The following NETO1 variants were observed in gnomAD, a reference collection of about 807,000 sequenced individuals.
The protein encoded by NETO1 is neuropilin and tolloid-like protein 1.
NETO1 carries 26 observed loss-of-function variants against 61.3 expected under a neutral mutation model. The ratio of observed to expected loss-of-function variants is 0.42; its 90% confidence interval spans 0.31 to 0.59. NETO1 has a LOEUF of 0.59. NETO1 is among the 20% of genes least tolerant of loss of function. NETO1 has a pLI of 0.12. For synonymous variants in NETO1, 225 were observed against 225.8 expected (o/e 1.00, Z 0.03); for missense variants, 531 against 662.8 (o/e 0.80, Z 2.18).
chr18:72,848,460 G>A (rs551866783), intron 4 of NETO1, among the ~76,000 whole-genome samples: 2 of 152,186 alleles, frequency 1.3e-5, no homozygotes, highest in South Asian at 2.1e-4. Flanking sequence ...TCTCTCCATC[G>A]TTGAGCCATA....
chr18:72,748,763 A>T (rs2070491270), intron 10 of NETO1, among the ~76,000 whole-genome samples: 1 of 152,088 alleles, frequency 6.6e-6, no homozygotes. Context: ...TATTAATTTG[A>T]CGTCCTTCTA....
intron 4 of NETO1, among the ~76,000 whole-genome samples, chr18:72,802,893 C>G (rs1438060225): frequency 6.6e-6 from 1 of 152,160 alleles, no homozygotes; most frequent in Admixed American, 6.5e-5. Context: ...TTTTAATATT[C>G]TGTAAGAGGA....
intron 4 of NETO1, among the ~76,000 whole-genome samples, chr18:72,809,351 C>T (rs770616837): frequency 7.2e-5 from 11 of 152,072 alleles, no homozygotes; most frequent in African/African-American, 1.4e-4. Flanking sequence ...AAGCCACCGA[C>T]GAGGAAAATT....
intron 6 of NETO1, among the ~76,000 whole-genome samples, chr18:72,793,376 T>C (rs886232434): frequency 1.3e-5 from 2 of 152,182 alleles, no homozygotes. Context: ...ATAAACAGAA[T>C]CACCATAGTT....
At chr18:72,795,680 T>C (rs1490175344) in intron 4 of NETO1, among the ~76,000 whole-genome samples, 1 of 152,142 alleles carries the variant, frequency 6.6e-6, no homozygotes, top group African/African-American at 2.4e-5. Context: ...TTTTGATATA[T>C]GTGTACATTG....
intron 8 of NETO1, among the ~76,000 whole-genome samples, chr18:72,753,291 A>C (rs1230720325): frequency 1.3e-5 from 2 of 152,028 alleles, no homozygotes; most frequent in African/African-American, 2.4e-5. Flanking sequence ...CATAGAAAGG[A>C]GCCTCAATCA....
At chr18:72,840,210 G>A (rs75397946) in intron 4 of NETO1, among the ~76,000 whole-genome samples, 113 of 152,300 alleles carry the variant, frequency 7.4e-4, no homozygotes, top group Admixed American at 2.5e-3. Flanking sequence ...GAGGACACTA[G>A]CTCAGAATAA....
chr18:72,854,541 C>T (rs1344252795), intron 4 of NETO1, among the ~76,000 whole-genome samples: 1 of 152,184 alleles, frequency 6.6e-6, no homozygotes, highest in Non-Finnish European at 1.5e-5. Context: ...AGCAGAGCAT[C>T]TGAATGATCT....
At chr18:72,834,781 G>A (rs377640732) in intron 4 of NETO1, 4 of 984,746 alleles carry the variant, frequency 4.1e-6, no homozygotes, top group Non-Finnish European at 4.8e-6. Flanking sequence ...AGTCCATGGC[G>A]ATAAGAAACT....
At chr18:72,754,599 G>C (rs1297049731) in intron 8 of NETO1, among the ~76,000 whole-genome samples, 1 of 152,074 alleles carries the variant, frequency 6.6e-6, no homozygotes, top group Admixed American at 6.6e-5. Context: ...GTTTTGTAGT[G>C]ATAAAAGCGT....
chr18:72,797,892 G>A (rs2072372190), intron 4 of NETO1, among the ~76,000 whole-genome samples: 1 of 152,154 alleles, frequency 6.6e-6, no homozygotes, highest in Non-Finnish European at 1.5e-5. Context: ...GCTTTGGAGA[G>A]CTGGATCTTT....
intron 7 of NETO1, among the ~76,000 whole-genome samples, chr18:72,757,370 C>G (rs1382741844): frequency 6.6e-6 from 1 of 150,700 alleles, no homozygotes; most frequent in East Asian, 1.9e-4. Flanking sequence ...AGGCAACTTA[C>G]TGTATTTTAA....
intron 4 of NETO1, among the ~76,000 whole-genome samples, chr18:72,841,411 G>A (rs570192555): frequency 1.1e-4 from 2 of 18,322 alleles, no homozygotes; most frequent in East Asian, 9.2e-4. Context: ...GCAGTATAAC[G>A]AGCAATTGGC....
At chr18:72,823,553 T>G (rs1213527581) in intron 4 of NETO1, among the ~76,000 whole-genome samples, 1 of 151,968 alleles carries the variant, frequency 6.6e-6, no homozygotes, top group East Asian at 1.9e-4. Context: ...GAACCCCGAG[T>G]GGCCGCGGCC....
At position 72,750,334 on chromosome 18, in the gene NETO1, T is replaced by C. The variant is rs2070553951; in HGVS notation, c.1269A>G (p.Ser423=). The change falls in exon 9 of 11, where the codon TCA becomes TCG. Residue 423 remains serine (S), a synonymous_variant. Coordinates refer to ENST00000327305, the MANE Select transcript of NETO1 (RefSeq NM_138966.5). ...DFENYHKLRR[S]SSKCIHDHHC... ...GATGGTCATGAATGCATTTGGAAGA[T>C]GACCTCCGCAGTTTATGGTAATTTT... is the stretch of plus-strand genomic sequence containing the variant. The C allele has an allele frequency of 1.2e-6, 2 of 1,614,118 alleles. No homozygotes were observed. Among genetic ancestry groups the C allele is most frequent in the South Asian group, 2.2e-5 (2 of 91,072 alleles).
At chr18:72,806,501 C>A (rs1371756663) in intron 4 of NETO1, among the ~76,000 whole-genome samples, 1 of 152,168 alleles carries the variant, frequency 6.6e-6, no homozygotes, top group African/African-American at 2.4e-5. Flanking sequence ...TCCTCCAATT[C>A]TGAAAAATTA....
In NETO1 at chr18:72,750,250, A is replaced by G. The variant is rs757695358; in HGVS notation, c.1353T>C (p.Asp451=). The change falls in exon 9 of 11, where the codon GAT becomes GAC. Residue 451 remains aspartate (D), a synonymous_variant. Coordinates refer to ENST00000327305, the MANE Select transcript of NETO1 (RefSeq NM_138966.5). ...TGGGCATCTCTGTCAAGATAGAAGCATCTCTTGTGCTGAGGTTACTGCGGC... is the reference window on the plus strand; with the variant it reads ...TGGGCATCTCTGTCAAGATAGAAGCGTCTCTTGTGCTGAGGTTACTGCGGC... The part of the protein sequence containing the change: ...KGSRSNLSTR[D]ASILTEMPTQ... 1 of 1,614,110 alleles carries G rather than the reference A, an allele frequency of 6.2e-7. No homozygotes were observed. The highest frequency in any genetic ancestry group is 2.2e-5 in the East Asian group (1 of 44,882).
chr18:72,806,742 C>T (rs1025403346), intron 4 of NETO1, among the ~76,000 whole-genome samples: 1 of 152,148 alleles, frequency 6.6e-6, no homozygotes, highest in African/African-American at 2.4e-5. Context: ...CATTCAATTC[C>T]CAGATGACTG....
intron 8 of NETO1, 61 bp from the exon 9 acceptor site, chr18:72,750,681 T>C (rs975216095): frequency 9.8e-6 from 12 of 1,221,348 alleles, no homozygotes; most frequent in Non-Finnish European, 1.2e-5. Flanking sequence ...GCAGCAAACA[T>C]TAATATTATA....
Sources: allele counts gnomAD v4.1 joint callset (sites outside exome capture counted in the v4.1 genomes callset), GRCh38; gene constraint gnomAD v4.1.1; transcripts MANE v1.5; gene names NCBI Gene and HGNC (gene_info 2026-07-23, HGNC 2026-07-21).